ADGRB3: variants seen among roughly 807,000 people sequenced by gnomAD.
ADGRB3 encodes the protein brain-specific angiogenesis inhibitor 3.
Under a neutral mutation model 193.4 loss-of-function variants are expected in ADGRB3, and 37 were observed. The ratio of observed to expected loss-of-function variants is 0.19; its 90% CI spans 0.15 to 0.25. ADGRB3 has a LOEUF of 0.25. Ranked by LOEUF, ADGRB3 falls within the 10% of genes least tolerant of loss-of-function variation. The pLI is 1.00. For synonymous variants in ADGRB3, 690 were observed against 644.2 expected (o/e 1.07, Z -1.08); for missense variants, 1,637 against 1,852.9 (o/e 0.88, Z 2.14).
intron 8 of ADGRB3, among the ~76,000 whole-genome samples, chr6:68,961,883 C>T (rs1476605826): frequency 2.6e-5 from 4 of 151,956 alleles, no homozygotes; most frequent in East Asian, 3.9e-4. Context: ...GCTCCTATTC[C>T]TTTGGAATTT....
At chr6:69,083,328 A>C (rs897804750) in intron 17 of ADGRB3, among the ~76,000 whole-genome samples, 3 of 152,138 alleles carry the variant, frequency 2.0e-5, no homozygotes, top group African/African-American at 7.2e-5. Flanking sequence ...TGTCACATTC[A>C]TTTTTGTAAA....
chr6:69,048,342 T>C lies in ADGRB3; in HGVS notation c.2257+8T>C. 6.2e-7 allele frequency: 1 copy of C among 1,610,428 alleles called. No homozygotes were observed. The highest frequency in any genetic ancestry group is 8.5e-7 in the Non-Finnish European group (1 of 1,178,338). On this transcript the variant is annotated splice_region_variant and intron_variant, in intron 14 of 31. Transcript: ENST00000370598. ...CTCCGGTGTCATCAAAAGGTAAATATCTGAAATAATATGAGCTTGAACAAG... is the reference window on the plus strand; with the variant it reads ...CTCCGGTGTCATCAAAAGGTAAATACCTGAAATAATATGAGCTTGAACAAG...
chr6:69,325,146 T>C (rs1582633001), intron 21 of ADGRB3, 124 bp downstream of exon 21: 3 of 1,266,554 alleles, frequency 2.4e-6, no homozygotes, highest in Non-Finnish European at 3.2e-6. Context: ...GAAGTGAAAA[T>C]ACATGAGCTG....
At chr6:69,293,910 G>C (rs556161481) in intron 20 of ADGRB3, among the ~76,000 whole-genome samples, 2 of 152,180 alleles carry the variant, frequency 1.3e-5, no homozygotes, top group South Asian at 4.2e-4. Flanking sequence ...GGAAGGAACA[G>C]AGTAGGATTT....
At chr6:68,648,982 A>G (rs2127279701) in intron 3 of ADGRB3, among the ~76,000 whole-genome samples, 1 of 152,156 alleles carries the variant, frequency 6.6e-6, no homozygotes, top group East Asian at 1.9e-4. Flanking sequence ...CTAGTTTGCA[A>G]AGTTCTATTG....
chr6:69,327,304 G>C (rs1768596243), intron 21 of ADGRB3, among the ~76,000 whole-genome samples: 1 of 152,084 alleles, frequency 6.6e-6, no homozygotes, highest in African/African-American at 2.4e-5. Context: ...TGAACTCCCT[G>C]TTTCTACATT....
At chr6:69,285,263 T>C (rs1279230102) in intron 20 of ADGRB3, among the ~76,000 whole-genome samples, 1 of 152,190 alleles carries the variant, frequency 6.6e-6, no homozygotes. Flanking sequence ...TGCCTCTTGA[T>C]AAGTTCATTT....
intron 20 of ADGRB3, among the ~76,000 whole-genome samples, chr6:69,285,078 TC>T (rs1767519993): frequency 6.6e-6 from 1 of 152,214 alleles, no homozygotes; most frequent in South Asian, 2.1e-4. Flanking sequence ...TTAGAATATA[TC>T]GGTTCCTACT....
chr6:68,821,734 G>T (rs775190499), intron 3 of ADGRB3, among the ~76,000 whole-genome samples: 6 of 151,568 alleles, frequency 4.0e-5, no homozygotes, highest in Non-Finnish European at 8.9e-5. Flanking sequence ...TAGCAAAGCT[G>T]CATTGTTCTA....
At chr6:69,121,695 G>C (rs1024225170) in intron 17 of ADGRB3, among the ~76,000 whole-genome samples, 5 of 150,720 alleles carry the variant, frequency 3.3e-5, no homozygotes, top group African/African-American at 1.2e-4. Context: ...TCACCTCCCA[G>C]ATGGGGTGGC....
chr6:68,652,231 G>A (rs1238927600), intron 3 of ADGRB3, among the ~76,000 whole-genome samples: 1 of 152,066 alleles, frequency 6.6e-6, no homozygotes, highest in African/African-American at 2.4e-5. Context: ...GTAGGCATTT[G>A]CAATCTCCTG....
intron 17 of ADGRB3, among the ~76,000 whole-genome samples, chr6:69,139,637 A>G (rs1774264561): frequency 6.6e-6 from 1 of 152,232 alleles, no homozygotes; most frequent in South Asian, 2.1e-4. Flanking sequence ...AGTACTTTAT[A>G]TATTCCCTAA....
At chr6:68,675,058 C>T (rs184693347) in intron 3 of ADGRB3, among the ~76,000 whole-genome samples, 3 of 152,130 alleles carry the variant, frequency 2.0e-5, no homozygotes, top group African/African-American at 4.8e-5. Context: ...ATATGTATTG[C>T]GAATAGTGAG....
intron 3 of ADGRB3, among the ~76,000 whole-genome samples, chr6:68,755,575 A>C (rs1045711120): frequency 3.9e-5 from 6 of 152,326 alleles, no homozygotes; most frequent in African/African-American, 1.4e-4. Context: ...AGTTGAGAAT[A>C]GTCACTCTAT....
intron 17 of ADGRB3, among the ~76,000 whole-genome samples, chr6:69,182,531 A>G (rs181234664): frequency 5.7e-4 from 87 of 151,914 alleles, no homozygotes; most frequent in African/African-American, 2.0e-3. Flanking sequence ...GATGGTCTTA[A>G]TTTTTGATTA....
intron 3 of ADGRB3, among the ~76,000 whole-genome samples, chr6:68,738,322 GTC>G (rs1765912002): frequency 6.6e-6 from 1 of 152,110 alleles, no homozygotes; most frequent in Non-Finnish European, 1.5e-5. Flanking sequence ...GACTTTGGCT[GTC>G]TCTCTGAGCA....
intron 16 of ADGRB3, among the ~76,000 whole-genome samples, chr6:69,070,216 C>T (rs561812043): frequency 6.6e-6 from 1 of 152,142 alleles, no homozygotes; most frequent in Non-Finnish European, 1.5e-5. Flanking sequence ...GTGAAAGGTA[C>T]AAAAAAGTTC....
At chr6:68,709,316 ATT>A (rs989122168) in intron 3 of ADGRB3, among the ~76,000 whole-genome samples, 2 of 152,178 alleles carry the variant, frequency 1.3e-5, no homozygotes, top group African/African-American at 4.8e-5. Flanking sequence ...ATTCTAATGC[ATT>A]TTACAAGAGG....
At chr6:68,843,212 A>C (rs1328138283) in intron 3 of ADGRB3, among the ~76,000 whole-genome samples, 5 of 152,074 alleles carry the variant, frequency 3.3e-5, no homozygotes, top group Admixed American at 3.3e-4. Context: ...AATGGCATCC[A>C]AATTGGAAGG....
Sources: gnomAD v4.1 joint callset for allele counts (sites outside exome capture counted in the v4.1 genomes callset) on GRCh38, gnomAD v4.1.1 for gene constraint, MANE v1.5 for transcripts, NCBI Gene and HGNC (gene_info 2026-07-23, HGNC 2026-07-21) for gene names.